Variants in ARID4B observed in about 807,000 individuals in gnomAD.
ARID4B encodes the protein AT-rich interactive domain-containing protein 4B.
In ARID4B, 26 loss-of-function variants were observed where a neutral mutation model predicts 147.5. The observed-to-expected ratio is 0.18, with a 90% CI of 0.13 to 0.24. The LOEUF is 0.24. Ranked by LOEUF, ARID4B falls within the 10% of genes least tolerant of loss-of-function variation. ARID4B has a pLI of 1.00. For missense variants in ARID4B, 1,179 were observed against 1,511.5 expected (o/e 0.78, Z 3.65); for synonymous variants, 512 against 507.9 (o/e 1.01, Z -0.11).
chr1:235,318,667 G>C (rs1008120495), intron 2 of ARID4B, among the ~76,000 whole-genome samples: 2 of 152,122 alleles, frequency 1.3e-5, no homozygotes, highest in Non-Finnish European at 2.9e-5. Flanking sequence ...GATCACTTGA[G>C]CTCAGGAGTT....
intron 2 of ARID4B, among the ~76,000 whole-genome samples, chr1:235,320,861 C>A (rs1213256488): frequency 2.0e-5 from 3 of 152,190 alleles, no homozygotes; most frequent in Non-Finnish European, 2.9e-5. Context: ...TGTTTCACAG[C>A]ACACTTAAAT....
chr1:235,327,026 G>C (rs1029597205), intron 1 of ARID4B, 58 bp from the exon 2 acceptor site: 1 of 1,208,670 alleles, frequency 8.3e-7, no homozygotes, highest in Non-Finnish European at 1.2e-6. Flanking sequence ...TGCACTGGCG[G>C]AGGCGGAGGG....
chr1:235,182,505 T>C lies in ARID4B; in HGVS notation c.2414A>G (p.Lys805Arg), dbSNP rs1156847268. 2 of 1,613,282 alleles carry C rather than the reference T, an allele frequency of 1.2e-6. No homozygotes were observed. The highest frequency in any genetic ancestry group is 4.5e-5 in the East Asian group (2 of 44,864). Residue 805 changes from lysine to arginine, a missense_variant, in exon 20 of 24, where the codon AAG becomes AGG. Physicochemically the swap from Lys to Arg is conservative, Grantham distance 26 (BLOSUM62 2). This residue lies in a region of ARID4B where 321 missense variants were observed against 342.4 expected (regional missense o/e 0.94). Coordinates refer to ENST00000264183, the MANE Select transcript of ARID4B (RefSeq NM_016374.6). ...YEEDEVTKKR[K>R]DVKKDTTDKS... is the part of the protein sequence containing the mutation. ...ATCTGTTGTGTCCTTCTTGACATCC[T>C]TTCTCTTTTTTGTGACTTCATCTTC...
chr1:235,200,479 G>A (rs1021765084), intron 17 of ARID4B, among the ~76,000 whole-genome samples: 14 of 151,926 alleles, frequency 9.2e-5, no homozygotes, highest in Non-Finnish European at 1.3e-4. Context: ...AAATTCATGC[G>A]GGGAAAAACT....
Position 235,252,766 on chromosome 1 carries a change from C to T in ARID4B, c.318G>A (p.Leu106=). The T allele has an allele frequency of 2.5e-6, 4 of 1,611,830 alleles. No homozygotes were observed. The highest frequency in any genetic ancestry group is 1.1e-5 in the South Asian group (1 of 90,742). The change falls in exon 6 of 24, where the codon CTG becomes CTA. Residue 106 remains leucine, a synonymous_variant. Transcript: ENST00000264183. ...GDEKTLRRSS[L]CLKGERHFAE... ...CAAAATGCCTCTCTCCTTTCAGGCACAGTGAAGATCGTCTCAGTGTCTTCT... is the reference window on the plus strand; with the variant it reads ...CAAAATGCCTCTCTCCTTTCAGGCATAGTGAAGATCGTCTCAGTGTCTTCT...
intron 2 of ARID4B, among the ~76,000 whole-genome samples, chr1:235,286,711 A>G (rs1355101345): frequency 1.3e-5 from 2 of 152,374 alleles, no homozygotes; most frequent in African/African-American, 2.4e-5. Context: ...AAGGCCTGAT[A>G]GCAACAGGAG....
rs1675318944 is a variant in ARID4B, at chr1:235,326,972, G to C, written c.-49-4C>G. 6.2e-7 allele frequency: 1 copy of C among 1,602,756 alleles called. No individual in the cohort carries two copies. Among genetic ancestry groups the C allele is most frequent in the Admixed American group, 1.7e-5 (1 of 59,924 alleles). On this transcript the variant is annotated splice_region_variant and splice_polypyrimidine_tract_variant and intron_variant, in intron 1 of 23. Transcript: ENST00000264183. ...AAAACACCAGGTTCAGCTGCACCTG[G>C]AGGGGAAACAAAAGACACCCAGTCA...
At chr1:235,308,728 C>T (rs1673773351) in intron 2 of ARID4B, among the ~76,000 whole-genome samples, 1 of 152,232 alleles carries the variant, frequency 6.6e-6, no homozygotes, top group East Asian at 1.9e-4. Flanking sequence ...CCGCCAGCCT[C>T]AGCCTCCCGA....
At chr1:235,240,612 G>T in intron 7 of ARID4B, 161 bp from the exon 8 acceptor site, 1 of 677,646 alleles carries the variant, frequency 1.5e-6, no homozygotes, top group Non-Finnish European at 2.5e-6. Context: ...AAAAATAACA[G>T]CAAGAGTTTA....
At chr1:235,239,129 C>T (rs1485849582) in intron 8 of ARID4B, among the ~76,000 whole-genome samples, 1 of 152,016 alleles carries the variant, frequency 6.6e-6, no homozygotes, top group African/African-American at 2.4e-5. Flanking sequence ...GCCACCACAG[C>T]CAGCTAATTT....
At chr1:235,178,159 A>C (rs1664022644) in intron 20 of ARID4B, among the ~76,000 whole-genome samples, 1 of 152,198 alleles carries the variant, frequency 6.6e-6, no homozygotes, top group East Asian at 1.9e-4. Flanking sequence ...TCTTTAAAAA[A>C]ATCAGATATA....
At chr1:235,176,437 C>CAAAAAAAAAAAAAAAAAAAAAAAAAA (rs34808765) in intron 21 of ARID4B, among the ~76,000 whole-genome samples, 3 of 22,534 alleles carry the variant, frequency 1.3e-4, no homozygotes, top group African/African-American at 3.0e-4. Context: ...ACAACATCAC[C>CAAAAAAAAAAAAAAAAAAAAAAAAAA]AAAAAAAAAA....
intron 2 of ARID4B, among the ~76,000 whole-genome samples, chr1:235,284,469 C>T (rs1425166002): frequency 1.3e-5 from 2 of 152,196 alleles, no homozygotes; most frequent in Admixed American, 6.5e-5. Flanking sequence ...ACATATACTT[C>T]ACTAGCTTTT....
chr1:235,279,169 T>C (rs1372895487), intron 2 of ARID4B, among the ~76,000 whole-genome samples: 1 of 152,144 alleles, frequency 6.6e-6, no homozygotes, highest in Non-Finnish European at 1.5e-5. Context: ...CAGCATTTTG[T>C]GTCTTAACAA....
intron 2 of ARID4B, among the ~76,000 whole-genome samples, chr1:235,263,645 C>G (rs1016396575): frequency 7.2e-5 from 11 of 151,968 alleles, no homozygotes; most frequent in African/African-American, 2.2e-4. Flanking sequence ...CATGCTAGAA[C>G]ACAGGAAAAG....
intron 19 of ARID4B, among the ~76,000 whole-genome samples, chr1:235,184,478 C>T (rs1031997967): frequency 1.3e-5 from 2 of 152,012 alleles, no homozygotes; most frequent in Admixed American, 6.6e-5. Context: ...GGTTAATCTA[C>T]CCCCCAAGGT....
chr1:235,202,554 A>T (rs10925074), intron 17 of ARID4B, among the ~76,000 whole-genome samples: 69,145 of 146,484 alleles, frequency 0.47, 16,333 homozygotes, highest in South Asian at 0.6. Context: ...TGAAAAAAAA[A>T]TTTTTTTTTT....
chr1:235,169,105 G>A (rs1281123377), intron 23 of ARID4B, among the ~76,000 whole-genome samples: 2 of 152,174 alleles, frequency 1.3e-5, no homozygotes, highest in Admixed American at 1.3e-4. Context: ...AGGCTTAATT[G>A]CTTCTTCAAG....
chr1:235,291,423 A>T (rs1016726579), intron 2 of ARID4B, among the ~76,000 whole-genome samples: 5 of 151,984 alleles, frequency 3.3e-5, no homozygotes, highest in Admixed American at 3.3e-4. Flanking sequence ...AATAATAAAT[A>T]AATAAATAAA....
Sources: gnomAD v4.1 joint callset for allele counts (sites outside exome capture counted in the v4.1 genomes callset) on GRCh38, gnomAD v4.1.1 for gene constraint, gnomAD v4.1.1 regional missense constraint, MANE v1.5 for transcripts, NCBI Gene and HGNC (gene_info 2026-07-23, HGNC 2026-07-21) for gene names.